The following RAPGEF4 variants were observed in gnomAD, a reference collection of about 807,000 sequenced individuals.
RAPGEF4 encodes RAP guanine-nucleotide-exchange factor (GEF) 4.
A neutral mutation model predicts 147.9 loss-of-function variants in RAPGEF4; 66 were observed. The ratio of observed to expected loss-of-function variants is 0.45; its 90% CI spans 0.37 to 0.55. RAPGEF4 has a LOEUF of 0.55. RAPGEF4 is among the 20% of genes least tolerant of loss of function. The pLI, the probability that RAPGEF4 is intolerant of heterozygous loss-of-function variation, is 0.00. For missense variants in RAPGEF4, 1,071 were observed against 1,257.3 expected, an observed-to-expected ratio of 0.85 and a Z score of 2.24; for synonymous variants, 419 against 442.7, an observed-to-expected ratio of 0.95 and a Z score of 0.67.
intron 1 of RAPGEF4, among the ~76,000 whole-genome samples, chr2:172,743,919 G>T (rs1316942353): frequency 6.6e-6 from 1 of 152,054 alleles, no homozygotes; most frequent in Non-Finnish European, 1.5e-5. Context: ...TTTTTGTTTT[G>T]TGAAGAAAAA....
At chr2:172,739,511 A>C (rs1246296008) in intron 1 of RAPGEF4, among the ~76,000 whole-genome samples, 1 of 152,002 alleles carries the variant, frequency 6.6e-6, no homozygotes, top group African/African-American at 2.4e-5. Flanking sequence ...AGCTGGGATT[A>C]CAGGCACACA....
chr2:173,029,768 A>G (rs1283934679), intron 25 of RAPGEF4, among the ~76,000 whole-genome samples: 2 of 152,226 alleles, frequency 1.3e-5, no homozygotes, highest in Non-Finnish European at 2.9e-5. Context: ...TCAAGCTGCC[A>G]GAGGAGGATA....
intron 4 of RAPGEF4, among the ~76,000 whole-genome samples, chr2:172,816,139 T>C (rs1559055458): frequency 6.6e-6 from 1 of 152,200 alleles, no homozygotes; most frequent in Non-Finnish European, 1.5e-5. Context: ...TATTATCTAA[T>C]ACCCAGTCTA....
intron 4 of RAPGEF4, among the ~76,000 whole-genome samples, chr2:172,841,791 A>AACAC (rs3064818): frequency 0.034 from 5,052 of 147,054 alleles, 164 homozygotes; most frequent in African/African-American, 0.088. Context: ...TTGGCTGAAT[A>AACAC]ACACACACAC....
chr2:172,863,011 A>T (rs1022171058), intron 4 of RAPGEF4, among the ~76,000 whole-genome samples: 1 of 152,168 alleles, frequency 6.6e-6, no homozygotes, highest in Admixed American at 6.6e-5. Context: ...GACCTGAGAC[A>T]GGATGGTGCC....
At chr2:172,787,498 A>G (rs1685328012) in intron 1 of RAPGEF4, among the ~76,000 whole-genome samples, 1 of 152,176 alleles carries the variant, frequency 6.6e-6, no homozygotes. Flanking sequence ...ACAGGAATAC[A>G]TAGTGATTCG....
chr2:172,922,660 A>G (rs924462945), intron 6 of RAPGEF4, among the ~76,000 whole-genome samples: 1 of 152,258 alleles, frequency 6.6e-6, no homozygotes, highest in African/African-American at 2.4e-5. Context: ...GCAGGAATAC[A>G]AACTATGAAA....
intron 1 of RAPGEF4, among the ~76,000 whole-genome samples, chr2:172,754,458 A>C (rs1463428899): frequency 6.6e-6 from 1 of 152,120 alleles, no homozygotes; most frequent in East Asian, 1.9e-4. Context: ...AAAATTAGTT[A>C]ATGTAAGTTA....
intron 8 of RAPGEF4, among the ~76,000 whole-genome samples, chr2:172,964,783 T>C (rs1226838864): frequency 6.6e-6 from 1 of 152,200 alleles, no homozygotes; most frequent in Non-Finnish European, 1.5e-5. Flanking sequence ...ACCTGCCCCC[T>C]TCTCTCACCC....
chr2:172,789,884 T>C (rs903750428), intron 1 of RAPGEF4, among the ~76,000 whole-genome samples: 3 of 152,236 alleles, frequency 2.0e-5, no homozygotes, highest in Non-Finnish European at 4.4e-5. Context: ...TTAGGTTGTT[T>C]CTGTATCTTG....
intron 23 of RAPGEF4, among the ~76,000 whole-genome samples, chr2:173,024,091 C>T (rs1255927279): frequency 6.6e-6 from 1 of 152,222 alleles, no homozygotes; most frequent in Non-Finnish European, 1.5e-5. Context: ...AATCACTTTT[C>T]TTCCCTGTCC....
chr2:172,824,393 G>A (rs1337759704), intron 4 of RAPGEF4, among the ~76,000 whole-genome samples: 1 of 152,194 alleles, frequency 6.6e-6, no homozygotes, highest in Non-Finnish European at 1.5e-5. Context: ...ATTCCCCTTT[G>A]TGCTTACTTC....
intron 3 of RAPGEF4, among the ~76,000 whole-genome samples, chr2:172,804,988 G>T (rs911002564): frequency 6.6e-6 from 1 of 152,154 alleles, no homozygotes; most frequent in East Asian, 1.9e-4. Flanking sequence ...TGTAGGAGGC[G>T]TGAGTTGCAG....
intron 4 of RAPGEF4, among the ~76,000 whole-genome samples, chr2:172,854,458 A>G (rs937790015): frequency 5.3e-5 from 8 of 152,030 alleles, no homozygotes; most frequent in Middle Eastern, 3.4e-3. Context: ...TTTTCTAACT[A>G]TCTGTTTCTT....
chr2:173,040,741 T>C (rs1187300133), intron 29 of RAPGEF4, among the ~76,000 whole-genome samples: 1 of 152,230 alleles, frequency 6.6e-6, no homozygotes, highest in East Asian at 1.9e-4. Context: ...GTTTTCAGGA[T>C]TTATGGGTAT....
At chr2:172,905,638 T>C (rs975965220) in intron 4 of RAPGEF4, among the ~76,000 whole-genome samples, 18 of 152,222 alleles carry the variant, frequency 1.2e-4, no homozygotes, top group African/African-American at 3.9e-4. Context: ...GGGGCTCTTA[T>C]GTGATTCAGG....
At chr2:172,741,258 T>C (rs1250525633) in intron 1 of RAPGEF4, among the ~76,000 whole-genome samples, 1 of 152,270 alleles carries the variant, frequency 6.6e-6, no homozygotes, top group Non-Finnish European at 1.5e-5. Flanking sequence ...AATGGCCTGC[T>C]TACTTCTCTT....
intron 26 of RAPGEF4, among the ~76,000 whole-genome samples, chr2:173,031,733 G>T (rs1055196749): frequency 3.9e-5 from 6 of 152,160 alleles, no homozygotes; most frequent in Admixed American, 2.0e-4. Flanking sequence ...TTTCACTAGG[G>T]ATGGGAGTTC....
chr2:172,914,813 T>C (rs1039878234), intron 4 of RAPGEF4, among the ~76,000 whole-genome samples: 1 of 152,234 alleles, frequency 6.6e-6, no homozygotes, highest in Non-Finnish European at 1.5e-5. Flanking sequence ...ACTTTGCCAA[T>C]TCTGACAGAT....
Sources: allele counts gnomAD v4.1 joint callset (sites outside exome capture counted in the v4.1 genomes callset), GRCh38; gene constraint gnomAD v4.1.1; transcripts MANE v1.5; gene names NCBI Gene and HGNC (gene_info 2026-07-23, HGNC 2026-07-21).